ICAM3: variants seen among roughly 807,000 people sequenced by gnomAD.
ICAM3 encodes ICAM-3.
In ICAM3, 54 loss-of-function variants were observed where a neutral mutation model predicts 43.6. The observed-to-expected ratio is 1.24, with a 90% CI of 0.99 to 1.55. The LOEUF is 1.55. ICAM3 is among the 40% of genes most tolerant of loss of function. The pLI is 0.00. For synonymous variants in ICAM3, 306 were observed against 312.6 expected (o/e 0.98, Z 0.22); for missense variants, 715 against 717.9 (o/e 1.00, Z 0.05).
At position 10,336,093 on chromosome 19, in the gene ICAM3, A is replaced by C. The variant is rs1396418502; in HGVS notation, c.344-117T>G. 2.3e-5 allele frequency: 21 copies of C among 916,884 alleles called. No homozygotes were observed. The South Asian group carries it at 3.5e-4, about 15-fold the overall frequency. The allele number at this position is 916,884 out of a possible 1,614,324, so 56.8% of individuals were successfully genotyped here. A position where few individuals can be genotyped will look rare whatever the true frequency, so the allele number is the denominator to read the frequency against. ...AGAACTGTGAGCTTTGAGTTAATAA[A>C]CTTAGAGGGCTTAGAGCTGGGCCAG... On this transcript the variant is annotated intron_variant, in intron 2 of 6. Transcript: ENST00000160262.
intron 1 of ICAM3, 106 bp downstream of exon 1, chr19:10,339,433 G>T: frequency 2.1e-6 from 2 of 950,182 alleles, no homozygotes; most frequent in Non-Finnish European, 3.3e-6. Context: ...CAGCGGCCAG[G>T]TCGCAGTGTG....
At position 10,338,763 on chromosome 19, in the gene ICAM3, C is replaced by T. The variant is rs149796645; in HGVS notation, c.262G>A (p.Val88Met). The part of the protein sequence containing the change: ...MGWAAFNLSN[V>M]TGNSRILCSV... ...CAGAGGATCCGACTGTTGCCAGTCA[C>T]GTTGCTGAGATTGAAGGCTGCCCAG... Residue 88 changes from valine to methionine, a missense_variant, in exon 2 of 7, where the codon GTG becomes ATG. Physicochemically the swap from Val to Met is conservative, Grantham distance 21. Coordinates refer to ENST00000160262, the MANE Select transcript of ICAM3 (RefSeq NM_002162.5). The T allele has an allele frequency of 3.5e-4, 568 of 1,614,166 alleles. 3 individuals carry two copies. In the African/African-American group the frequency reaches 6.6e-3, roughly 19 times the overall value.
chr19:10,339,213 G>A, intron 1 of ICAM3: 1 of 586,906 alleles, frequency 1.7e-6, no homozygotes, highest in Admixed American at 3.0e-5. Context: ...TGAAGGCTAA[G>A]TAGGAGTTAG....
At chr19:10,337,432 G>GA (rs1170140048) in intron 2 of ICAM3, among the ~76,000 whole-genome samples, 2 of 111,004 alleles carry the variant, frequency 1.8e-5, no homozygotes, top group Admixed American at 8.9e-5. Flanking sequence ...AAAAAAAAAA[G>GA]AAAAGAAAAG....
rs765803022 is a variant in ICAM3 at position 10,338,924 on chromosome 19, A to T, written c.101T>A (p.Leu34Ter). ...CACAGGGTTCTGGGGCTCCACCCGC[A>T]AAAGGAACTCCTGCCCCTGGACACC... ...TPGVQGQEFL[L>*]RVEPQNPVLS... The change falls in exon 2 of 7, where the codon TTG (leucine) becomes TAG (stop). Residue 34 changes from leucine to a stop codon, truncating the protein, a stop_gained. Transcript: ENST00000160262. LOFTEE classifies it high-confidence loss of function. 6.2e-7 allele frequency: 1 copy of T among 1,614,000 alleles called. No homozygotes were observed. Among genetic ancestry groups the T allele is most frequent in the East Asian group, 2.2e-5 (1 of 44,872 alleles).
Position 10,338,699 on chromosome 19 carries a change from G to A in ICAM3, c.326C>T (p.Ser109Phe), listed in dbSNP as rs1363492895. 6.2e-7 allele frequency: 1 copy of A among 1,614,110 alleles called. No homozygotes were observed. Among genetic ancestry groups the A allele is most frequent in the Non-Finnish European group, 8.5e-7 (1 of 1,180,006 alleles). The part of the protein sequence containing the change: ...YCNGSQITGS[S>F]NITVYRLPER... Reference sequence around the variant, plus strand: ...CGACTCACTGTACACGGTGATGTTAGAGGAGCCTGTTATCTGAGAGCCATT... The same window carrying A: ...CGACTCACTGTACACGGTGATGTTAAAGGAGCCTGTTATCTGAGAGCCATT... The change falls in exon 2 of 7, where the codon TCT becomes TTT. Residue 109 changes from serine to phenylalanine, a missense_variant. Coordinates refer to ENST00000160262, the MANE Select transcript of ICAM3 (RefSeq NM_002162.5).
In ICAM3 at chr19:10,335,366, G is replaced by A. The variant is rs746464813; in HGVS notation, c.650-13C>T. ...GTCACGGGCAGGACTGGGGAGAAAG[G>A]TGGGCATAGTACAACCCCCAGGACT... On this transcript the variant is annotated splice_polypyrimidine_tract_variant and intron_variant, in intron 3 of 6. Coordinates refer to ENST00000160262, the MANE Select transcript of ICAM3 (RefSeq NM_002162.5). 2.1e-5 allele frequency: 34 copies of A among 1,583,786 alleles called. No homozygotes were observed. The highest frequency in any genetic ancestry group is 2.7e-5 in the Non-Finnish European group (32 of 1,168,956).
rs201084371 is a variant in ICAM3 at position 10,334,507 on chromosome 19, A to G, written c.1192+21T>C. On this transcript the variant is annotated intron_variant, in intron 5 of 6. Transcript: ENST00000160262. This position sits in a 1 kb window ranked among gnomAD's most constrained non-coding sequence, Gnocchi z 5.5. ...TCCAGGGCAGGGGTGGAGGGATTAA[A>G]GGTCAGGGTGACCGACTCACACAGG... The G allele has an allele frequency of 1.2e-4, 188 of 1,602,938 alleles. 1 individual carries two copies. In the African/African-American group the frequency reaches 2.3e-3, roughly 20 times the overall value.
chr19:10,334,267 G>A lies in ICAM3; in HGVS notation c.1334C>T (p.Pro445Leu). ...CLKEGSSREVPVGIPFFVNVT... is the reference protein window; with the variant it reads ...CLKEGSSREVLVGIPFFVNVT... ...GTTGACGAAGAACGGGATCCCCACC[G>A]GCACCTCCCGGCTGGAGCCTTCCTT... Residue 445 changes from proline (P) to leucine (L), a missense_variant, in exon 6 of 7, where the codon CCG (proline) becomes CTG (leucine). Physicochemically the swap from Pro to Leu is moderately conservative, Grantham distance 98. Transcript: ENST00000160262. This position sits in a 1 kb window ranked among gnomAD's most constrained non-coding sequence, Gnocchi z 5.5. 6.2e-7 allele frequency: 1 copy of A among 1,614,164 alleles called. No homozygotes were observed. The highest frequency in any genetic ancestry group is 1.6e-4 in the Middle Eastern group (1 of 6,062).
Position 10,334,007 on chromosome 19 carries a change from G to T in ICAM3, c.1494C>A (p.Gly498=), listed in dbSNP as rs2040551790. Residue 498 remains glycine, a synonymous_variant, in exon 7 of 7, where the codon GGC becomes GGA. Coordinates refer to ENST00000160262, the MANE Select transcript of ICAM3 (RefSeq NM_002162.5). The surrounding 1 kb of genome is among the most constrained non-coding windows in gnomAD (Gnocchi z 5.5). The part of the protein sequence containing the change: ...PVFVAVLLTL[G]VVTIVLALMY... The stretch of plus-strand genomic sequence containing the variant: ...TTAAGGCCAGTACGATAGTCACCAC[G>T]CCCAGGGTCAGTAACACCGCCACGA... 6.2e-7 allele frequency: 1 copy of T among 1,614,104 alleles called. No homozygotes were observed. The highest frequency in any genetic ancestry group is 8.5e-7 in the Non-Finnish European group (1 of 1,180,028).
chr19:10,339,346 C>T (rs1181324366), intron 1 of ICAM3, 193 bp downstream of exon 1: 1 of 593,328 alleles, frequency 1.7e-6, no homozygotes, highest in Non-Finnish European at 3.0e-6. Flanking sequence ...AGAGGGATGG[C>T]GTACAAGCCT....
rs1364527034 is a variant in ICAM3, at chr19:10,334,572, C to G, written c.1148G>C (p.Gly383Ala). The change falls in exon 5 of 7, where the codon GGC becomes GCC. Residue 383 changes from glycine (G) to alanine (A), a missense_variant. Gly to Ala is a moderately conservative substitution (Grantham distance 60, BLOSUM62 0). Coordinates refer to ENST00000160262, the MANE Select transcript of ICAM3 (RefSeq NM_002162.5). This position sits in a 1 kb window ranked among gnomAD's most constrained non-coding sequence, Gnocchi z 5.5. Reference sequence around the variant, plus strand: ...GCTACTGTTCCTGTGCAAGAACTCGCCGTCCACCTCGAGAGTGGCACTGCA... The same window carrying G: ...GCTACTGTTCCTGTGCAAGAACTCGGCGTCCACCTCGAGAGTGGCACTGCA... ...FFCSATLEVD[G>A]EFLHRNSSVQ... is the part of the protein sequence containing the mutation. The G allele has an allele frequency of 6.2e-7, 1 of 1,613,514 alleles. No homozygotes were observed. The highest frequency in any genetic ancestry group is 2.2e-5 in the East Asian group (1 of 44,876).
In ICAM3 at chr19:10,334,225, G is replaced by A; in HGVS notation, c.1376C>T (p.Thr459Ile). 6.2e-7 allele frequency: 1 copy of A among 1,614,028 alleles called. No homozygotes were observed. The highest frequency in any genetic ancestry group is 8.5e-7 in the Non-Finnish European group (1 of 1,179,990). ...TGAGCTGGACGCTTGGCACTGATAA[G>A]TACCATTATGTGTTACGTTGACGAA... is the stretch of plus-strand genomic sequence containing the variant. ...PFFVNVTHNG[T>I]YQCQASSSRG... Residue 459 changes from threonine to isoleucine, a missense_variant, in exon 6 of 7, where the codon ACT becomes ATT. Coordinates refer to ENST00000160262, the MANE Select transcript of ICAM3 (RefSeq NM_002162.5). The surrounding 1 kb of genome is among the most constrained non-coding windows in gnomAD (Gnocchi z 5.5).
At position 10,334,157 on chromosome 19, in the gene ICAM3, C is replaced by A; in HGVS notation, c.1441+3G>T. On this transcript the variant is annotated splice_donor_region_variant and intron_variant, in intron 6 of 6. Coordinates refer to ENST00000160262, the MANE Select transcript of ICAM3 (RefSeq NM_002162.5). This position sits in a 1 kb window ranked among gnomAD's most constrained non-coding sequence, Gnocchi z 5.5. ...CCAGACCCGCAGCCCCGTGTTAGCTCACCCTCAATGTCCATCACCACGACC... is the reference window on the plus strand; with the variant it reads ...CCAGACCCGCAGCCCCGTGTTAGCTAACCCTCAATGTCCATCACCACGACC... 1 of 1,611,566 alleles carries A rather than the reference C, an allele frequency of 6.2e-7. No individual in the cohort carries two copies. The highest frequency in any genetic ancestry group is 8.5e-7 in the Non-Finnish European group (1 of 1,177,840).
At position 10,334,853 on chromosome 19, in the gene ICAM3, C is replaced by T; in HGVS notation, c.938-71G>A. 4.0e-6 allele frequency: 6 copies of T among 1,504,424 alleles called. No homozygotes were observed. Among genetic ancestry groups the T allele is most frequent in the Non-Finnish European group, 5.3e-6 (6 of 1,122,126 alleles). 93.2% of individuals were successfully genotyped at this position (1,504,424 alleles called of 1,614,324 possible). ...TGTGGGTCAAGCCGCTCCCTCCGCCCTCCCCTTTCCTCTCGGGATATCCGG... is the reference window on the plus strand; with the variant it reads ...TGTGGGTCAAGCCGCTCCCTCCGCCTTCCCCTTTCCTCTCGGGATATCCGG... On this transcript the variant is annotated intron_variant, in intron 4 of 6. Coordinates refer to ENST00000160262, the MANE Select transcript of ICAM3 (RefSeq NM_002162.5). The surrounding 1 kb of genome is among the most constrained non-coding windows in gnomAD (Gnocchi z 5.5).
Position 10,334,311 on chromosome 19 carries a change from G to C in ICAM3, c.1290C>G (p.Tyr430Ter). The change falls in exon 6 of 7, where the codon TAC becomes TAG. Residue 430 changes from tyrosine to a stop codon, truncating the protein, a stop_gained. Transcript: ENST00000160262. LOFTEE classifies it high-confidence loss of function. The surrounding 1 kb of genome is among the most constrained non-coding windows in gnomAD (Gnocchi z 5.5). ...VLQCQARGNP[Y>*]PELRCLKEGS... ...CTTCCTTCAAACACCGCAGCTCGGGGTACGGGTTGCCCCTGGCTTGGCACT... is the reference window on the plus strand; with the variant it reads ...CTTCCTTCAAACACCGCAGCTCGGGCTACGGGTTGCCCCTGGCTTGGCACT... 6.2e-7 allele frequency: 1 copy of C among 1,614,196 alleles called. No individual in the cohort carries two copies.
chr19:10,335,251 T>A lies in ICAM3; in HGVS notation c.752A>T (p.Glu251Val), dbSNP rs2040580788. The A allele has an allele frequency of 6.2e-7, 1 of 1,613,682 alleles. No homozygotes were observed. Among genetic ancestry groups the A allele is most frequent in the Non-Finnish European group, 8.5e-7 (1 of 1,180,004 alleles). ...CTLDGLFPAS[E>V]AQVYLALGDQ... ...CCCCAGCGCCAGGTAGACCTGGGCC[T>A]CTGAGGCTGGAAAAAGCCCGTCTAG... The change falls in exon 4 of 7, where the codon GAG becomes GTG. Residue 251 changes from glutamate to valine, a missense_variant. Transcript: ENST00000160262.
Position 10,333,897 on chromosome 19 carries a change from G to C in ICAM3, c.1604C>G (p.Pro535Arg). ...STYLPLTSMQ[P>R]TEAMGEEPSR... The stretch of plus-strand genomic sequence containing the variant: ...CGGTTCTTCCCCCATTGCTTCTGTC[G>C]GCTGCATAGACGTGAGGGGCAGATA... Residue 535 changes from proline (P) to arginine (R), a missense_variant, in exon 7 of 7, where the codon CCG (proline) becomes CGG (arginine). Pro to Arg is a moderately radical substitution (Grantham distance 103). Coordinates refer to ENST00000160262, the MANE Select transcript of ICAM3 (RefSeq NM_002162.5). This position sits in a 1 kb window ranked among gnomAD's most constrained non-coding sequence, Gnocchi z 4.2. The C allele has an allele frequency of 6.2e-7, 1 of 1,614,112 alleles. No individual in the cohort carries two copies. The highest frequency in any genetic ancestry group is 2.2e-5 in the East Asian group (1 of 44,884).
chr19:10,334,081 T>C lies in ICAM3; in HGVS notation c.1442-22A>G. The C allele has an allele frequency of 6.2e-7, 1 of 1,612,510 alleles. No individual in the cohort carries two copies. The highest frequency in any genetic ancestry group is 8.5e-7 in the Non-Finnish European group (1 of 1,178,812). ...CCAGCTGTGCAGAGAAAGCGCTAAG[T>C]CAATATGCGTCCCTTCTGTCTCCAA... On this transcript the variant is annotated intron_variant, in intron 6 of 6. Coordinates refer to ENST00000160262, the MANE Select transcript of ICAM3 (RefSeq NM_002162.5). The surrounding 1 kb of genome is among the most constrained non-coding windows in gnomAD (Gnocchi z 5.5).
Sources: allele counts gnomAD v4.1 joint callset (sites outside exome capture counted in the v4.1 genomes callset), GRCh38; gene constraint gnomAD v4.1.1; non-coding constraint Gnocchi (gnomAD v3.1); transcripts MANE v1.5; gene names NCBI Gene and HGNC (gene_info 2026-07-23, HGNC 2026-07-21).